PARL: variants seen among roughly 807,000 people sequenced by gnomAD.
PARL encodes presenilin-associated rhomboid-like protein, mitochondrial.
PARL carries 44 observed loss-of-function variants against 51.6 expected under a neutral mutation model. The observed-to-expected ratio is 0.85, with a 90% CI of 0.67 to 1.10. The LOEUF (loss-of-function observed/expected upper bound fraction) is 1.10, where lower values mean the gene tolerates loss of function less well. Ranked by LOEUF, PARL falls within the 50% of genes least tolerant of loss-of-function variation. The pLI is 0.00. For synonymous variants in PARL, 172 were observed against 164.0 expected (o/e 1.05, Z -0.37); for missense variants, 441 against 469.5 (o/e 0.94, Z 0.56).
downstream of PARL, among the ~76,000 whole-genome samples, chr3:183,828,316 C>A (rs76465002): frequency 0.14 from 21,589 of 152,198 alleles, 1,811 homozygotes; most frequent in East Asian, 0.25. Flanking sequence ...AACTCAGCCT[C>A]CTATCCCATC....
intron 6 of PARL, among the ~76,000 whole-genome samples, 158 bp from the exon 7 acceptor site, chr3:183,840,798 T>G (rs1729223608): frequency 6.6e-6 from 1 of 151,498 alleles, no homozygotes; most frequent in Non-Finnish European, 1.5e-5. Flanking sequence ...AACCTGTGCC[T>G]ACCGGGTTCA....
At chr3:183,883,559 A>C (rs1734794030) in intron 1 of PARL, 3 of 978,134 alleles carry the variant, frequency 3.1e-6, no homozygotes, top group Non-Finnish European at 3.6e-6. Context: ...CGTGTGAGCC[A>C]CCACGCCCGG....
intron 4 of PARL, among the ~76,000 whole-genome samples, chr3:183,857,517 T>C (rs886497418): frequency 8.5e-5 from 13 of 152,366 alleles, no homozygotes; most frequent in Admixed American, 7.8e-4. Context: ...TGTTTCTATT[T>C]TTGTGTTAAA....
At chr3:183,834,257 A>C (rs1199346030) in intron 7 of PARL, among the ~76,000 whole-genome samples, 2 of 152,254 alleles carry the variant, frequency 1.3e-5, no homozygotes, top group African/African-American at 2.4e-5. Flanking sequence ...ATTCATCTTC[A>C]TAAAGAAACA....
chr3:183,829,628 A>G lies in PARL; in HGVS notation c.1110T>C (p.Asn370=). 6.2e-7 allele frequency: 1 copy of G among 1,614,162 alleles called. No individual in the cohort carries two copies. Among genetic ancestry groups the G allele is most frequent in the Non-Finnish European group, 8.5e-7 (1 of 1,180,006 alleles). ...TAGAGCCACCTCCTTTTTTGGGGCC[A>G]TTAGTCCTTATTTCATGCCAGATTT... ...LVKIWHEIRT[N]GPKKGGGSK is the part of the protein sequence containing the mutation. Residue 370 remains asparagine (N), a synonymous_variant, in exon 10 of 10, where the codon AAT becomes AAC. Transcript: ENST00000317096.
chr3:183,876,468 CAAG>C (rs1374496154), intron 1 of PARL, among the ~76,000 whole-genome samples: 4 of 152,026 alleles, frequency 2.6e-5, no homozygotes, highest in Admixed American at 2.0e-4. Flanking sequence ...TGCACAGGTA[CAAG>C]AAGATGAATA....
At chr3:183,835,895 G>T (rs770260709) in intron 7 of PARL, among the ~76,000 whole-genome samples, 13 of 151,670 alleles carry the variant, frequency 8.6e-5, no homozygotes, top group Non-Finnish European at 1.9e-4. Flanking sequence ...AATATAATTT[G>T]ATTAGTTGAT....
chr3:183,884,614 G>C (rs1734911621), intron 1 of PARL, 108 bp downstream of exon 1: 2 of 1,100,122 alleles, frequency 1.8e-6, no homozygotes, highest in African/African-American at 1.5e-5. Flanking sequence ...AGGTGAAGGG[G>C]GTGAGCTGGG....
At chr3:183,877,592 T>A (rs913784022) in intron 1 of PARL, among the ~76,000 whole-genome samples, 10 of 151,976 alleles carry the variant, frequency 6.6e-5, no homozygotes, top group African/African-American at 2.4e-4. Context: ...TTTTAAGAAA[T>A]TGCCACCGCT....
At chr3:183,865,902 T>C (rs1425749778) in intron 3 of PARL, among the ~76,000 whole-genome samples, 2 of 150,770 alleles carry the variant, frequency 1.3e-5, no homozygotes, top group Non-Finnish European at 3.0e-5. Flanking sequence ...TTTTTTGAGA[T>C]GAGTTCTCGC....
rs755042318 is a variant in PARL at position 183,867,870 on chromosome 3, C to G, written c.316G>C (p.Val106Leu). ...CTAGCAAAGTGAGCTCTTACCCCAA[C>G]AGTAAAAAATAAAGGTTTTATGAGA... is the stretch of plus-strand genomic sequence containing the variant. ...RSLIKPLFFTVGFTGCAFGSA... is the reference protein window; with the variant it reads ...RSLIKPLFFTLGFTGCAFGSA... Residue 106 changes from valine to leucine, a missense_variant, in exon 2 of 10, where the codon GTT becomes CTT. Coordinates refer to ENST00000317096, the MANE Select transcript of PARL (RefSeq NM_018622.7). 1 of 1,609,572 alleles carries G rather than the reference C, an allele frequency of 6.2e-7. No individual in the cohort carries two copies. Among genetic ancestry groups the G allele is most frequent in the East Asian group, 2.2e-5 (1 of 44,860 alleles).
chr3:183,844,152 T>C, intron 5 of PARL, 79 bp downstream of exon 5: 1 of 1,018,920 alleles, frequency 9.8e-7, no homozygotes, highest in Non-Finnish European at 1.6e-6. Flanking sequence ...TCGTCTTTTT[T>C]ACAGCACTTC....
chr3:183,844,448 GGGGGTGAGCC>G, intron 4 of PARL, 122 bp from the exon 5 acceptor site: 1 of 706,704 alleles, frequency 1.4e-6, no homozygotes, highest in Admixed American at 2.4e-5. Flanking sequence ...CTGGGGGATA[GGGGGTGAGCC>G]AAAAAAAAGC....
At chr3:183,843,292 G>A in intron 5 of PARL, 2 of 985,290 alleles carry the variant, frequency 2.0e-6, no homozygotes, top group Non-Finnish European at 2.4e-6. Context: ...TTGTCCTTAT[G>A]GCAAAAGTTG....
chr3:183,883,783 A>C (rs1356946812), intron 1 of PARL: 1 of 668,566 alleles, frequency 1.5e-6, no homozygotes, highest in Non-Finnish European at 1.9e-6. Context: ...CTTCCACTCC[A>C]CCCACCCCTC....
chr3:183,854,575 G>C (rs1577333818), intron 4 of PARL, among the ~76,000 whole-genome samples: 1 of 152,176 alleles, frequency 6.6e-6, no homozygotes, highest in East Asian at 1.9e-4. Context: ...GTTATCAAGG[G>C]ATGAAGGGAG....
intron 1 of PARL, among the ~76,000 whole-genome samples, chr3:183,882,753 T>C (rs1278859687): frequency 6.6e-6 from 1 of 152,202 alleles, no homozygotes; most frequent in East Asian, 1.9e-4. Context: ...CATTCTTGGC[T>C]GGTGGGCCGC....
intron 1 of PARL, among the ~76,000 whole-genome samples, chr3:183,876,610 T>A (rs1323945650): frequency 8.7e-5 from 8 of 91,822 alleles, no homozygotes; most frequent in Admixed American, 1.2e-4. Context: ...ATACATTTTG[T>A]AAAAAAAAAA....
At chr3:183,836,442 A>G (rs1310224558) in intron 7 of PARL, among the ~76,000 whole-genome samples, 2 of 152,132 alleles carry the variant, frequency 1.3e-5, no homozygotes, top group Non-Finnish European at 2.9e-5. Flanking sequence ...TTAAATATTT[A>G]TATGTCTGAA....
Sources: allele counts gnomAD v4.1 joint callset (sites outside exome capture counted in the v4.1 genomes callset), GRCh38; gene constraint gnomAD v4.1.1; transcripts MANE v1.5; gene names NCBI Gene and HGNC (gene_info 2026-07-23, HGNC 2026-07-21).